The following MDN1 variants were observed in gnomAD, a reference collection of about 807,000 sequenced individuals.
MDN1 encodes midasin AAA ATPase 1.
A neutral mutation model predicts 669.2 loss-of-function variants in MDN1; 266 were observed. The ratio of observed to expected loss-of-function variants is 0.40; its 90% confidence interval spans 0.36 to 0.44. The LOEUF is 0.44. Ranked by LOEUF, MDN1 falls within the 20% of genes least tolerant of loss-of-function variation. The pLI is 1.00. For synonymous variants in MDN1, 2,385 were observed against 2,457.1 expected, an observed-to-expected ratio of 0.97 and a Z score of 0.87; for missense variants, 5,940 against 6,754.0, an observed-to-expected ratio of 0.88 and a Z score of 4.22.
In MDN1 at chr6:89,700,759, T is replaced by C; in HGVS notation, c.8525A>G (p.Gln2842Arg). The change falls in exon 56 of 102, where the codon CAG becomes CGG. Residue 2842 changes from glutamine (Q) to arginine (R), a missense_variant. Transcript: ENST00000369393. The stretch of plus-strand genomic sequence containing the variant: ...CACTTGGAGACGGTTAATGTCTTCC[T>C]GCCATCCACTCTCCCCAAGGGCAGA... ...QMSALGESGW[Q>R]EDINRLQVVA... 1 of 1,614,180 alleles carries C rather than the reference T, an allele frequency of 6.2e-7. No homozygotes were observed.
Position 89,790,345 on chromosome 6 carries a change from C to A in MDN1, c.912G>T (p.Leu304=), listed in dbSNP as rs779604692. 2 of 1,614,102 alleles carry A rather than the reference C, an allele frequency of 1.2e-6. No individual in the cohort carries two copies. Among genetic ancestry groups the A allele is most frequent in the Admixed American group, 1.7e-5 (1 of 60,002 alleles). The part of the protein sequence containing the change: ...EQELALRSYV[L]VESVCKSLQT... ...GAAGACTTTTGCAGACAGACTCAAC[C>A]AGCACATAAGACCTAAGGGCCAGCT... The change falls in exon 6 of 102, where the codon CTG becomes CTT. Residue 304 remains leucine, a synonymous_variant. Transcript: ENST00000369393.
intron 11 of MDN1, among the ~76,000 whole-genome samples, chr6:89,777,772 T>C (rs1354846265): frequency 3.3e-5 from 5 of 151,946 alleles, no homozygotes; most frequent in Non-Finnish European, 5.9e-5. Context: ...CACCCAGAAG[T>C]AGACTCAGTA....
chr6:89,689,848 T>A, intron 65 of MDN1, 22 bp downstream of exon 65: 1 of 1,606,306 alleles, frequency 6.2e-7, no homozygotes, highest in Admixed American at 1.7e-5. Flanking sequence ...CCCAGGGGCA[T>A]AACAAAAGTA....
In MDN1 at chr6:89,781,388, T is replaced by C. The variant is rs755104727; in HGVS notation, c.1643+11A>G. The stretch of plus-strand genomic sequence containing the variant: ...GAAAGAAAGAAAAGAAAAAACTGTT[T>C]AGTCCAGTACCTTAGAGATAATTCT... On this transcript the variant is annotated intron_variant, in intron 10 of 101. Transcript: ENST00000369393. 2.5e-6 allele frequency: 4 copies of C among 1,610,992 alleles called. No homozygotes were observed.
Position 89,712,761 on chromosome 6 carries a change from T to C in MDN1, c.7244A>G (p.His2415Arg). The stretch of plus-strand genomic sequence containing the variant: ...TTCATGTGCTCGCAAAGAAGAAACA[T>C]GTTTCTCCAGTAAAGCCTGTACAAG... The part of the protein sequence containing the change: ...RKLVQALLEK[H>R]VSSLRAHETW... Residue 2415 changes from histidine (H) to arginine (R), a missense_variant, in exon 48 of 102, where the codon CAT becomes CGT. Coordinates refer to ENST00000369393, the MANE Select transcript of MDN1 (RefSeq NM_014611.3). The C allele has an allele frequency of 6.2e-7, 1 of 1,614,130 alleles. No homozygotes were observed. Among genetic ancestry groups the C allele is most frequent in the Non-Finnish European group, 8.5e-7 (1 of 1,180,018 alleles).
chr6:89,773,955 ACT>A (rs1475085269), intron 13 of MDN1, among the ~76,000 whole-genome samples: 32 of 151,586 alleles, frequency 2.1e-4, no homozygotes, highest in Admixed American at 2.6e-4. Flanking sequence ...ACGGAGTGAG[ACT>A]CTGTCTTAAA....
At position 89,687,043 on chromosome 6, in the gene MDN1, A is replaced by G. The variant is rs781015702; in HGVS notation, c.11451-20T>C. 1 of 1,609,216 alleles carries G rather than the reference A, an allele frequency of 6.2e-7. No individual in the cohort carries two copies. The highest frequency in any genetic ancestry group is 2.2e-5 in the East Asian group (1 of 44,856). The stretch of plus-strand genomic sequence containing the variant: ...CAGCAGCTGAAACGAGAAGAAGCCA[A>G]GGAGGCATTTAGGAAAACCTATTTG... On this transcript the variant is annotated intron_variant, in intron 68 of 101. Transcript: ENST00000369393.
intron 20 of MDN1, 129 bp from the exon 21 acceptor site, chr6:89,754,359 G>C: frequency 1.2e-6 from 1 of 868,312 alleles, no homozygotes; most frequent in Non-Finnish European, 1.7e-6. Context: ...CCTGGGGCAT[G>C]CATCAAAATA....
chr6:89,677,120 C>G (rs1226244068), intron 76 of MDN1, among the ~76,000 whole-genome samples: 1 of 150,438 alleles, frequency 6.6e-6, no homozygotes, highest in Non-Finnish European at 1.5e-5. Context: ...TTGACAGAGT[C>G]TTACTTTGCC....
intron 1 of MDN1, among the ~76,000 whole-genome samples, chr6:89,806,267 T>C (rs931637948): frequency 1.3e-5 from 2 of 152,032 alleles, no homozygotes; most frequent in African/African-American, 4.8e-5. Context: ...GTAAGTTACA[T>C]TGCAGAGGAA....
chr6:89,778,951 C>T (rs1818500823), intron 11 of MDN1, among the ~76,000 whole-genome samples: 1 of 146,054 alleles, frequency 6.8e-6, no homozygotes, highest in Admixed American at 6.9e-5. Flanking sequence ...GGTATAGGGC[C>T]TGTGTCAGTA....
intron 14 of MDN1, among the ~76,000 whole-genome samples, chr6:89,772,088 A>G (rs980688368): frequency 1.3e-5 from 2 of 152,026 alleles, no homozygotes; most frequent in Non-Finnish European, 2.9e-5. Context: ...ACATAGCTAG[A>G]CCTCGTCTTT....
At chr6:89,817,089 G>GC (rs1768890575) in intron 1 of MDN1, among the ~76,000 whole-genome samples, 1 of 152,166 alleles carries the variant, frequency 6.6e-6, no homozygotes, top group African/African-American at 2.4e-5. Flanking sequence ...TTGGAAGACC[G>GC]CCCCCCTCAC....
Position 89,654,267 on chromosome 6 carries a change from T to G in MDN1, c.15558A>C (p.Ile5186=), listed in dbSNP as rs1260019538. Residue 5186 remains isoleucine (I), a synonymous_variant, in exon 93 of 102, where the codon ATA becomes ATC. Transcript: ENST00000369393. ...CCTCTGTGTCCATAAGGGTGTCCTC[T>G]ATCTCCTCCTCTTCCTGATCTTTGC... is the stretch of plus-strand genomic sequence containing the variant. ...DSGKDQEEEE[I]EDTLMDTEEQ... is the part of the protein sequence containing the mutation. 6.2e-7 allele frequency: 1 copy of G among 1,614,270 alleles called. No individual in the cohort carries two copies. The highest frequency in any genetic ancestry group is 2.2e-5 in the East Asian group (1 of 44,890).
chr6:89,702,082 A>C (rs750603020), intron 53 of MDN1, 21 bp from the exon 54 acceptor site: 4 of 1,568,462 alleles, frequency 2.6e-6, no homozygotes, highest in Non-Finnish European at 3.4e-6. Flanking sequence ...AGTCTCTTAG[A>C]TAAGATGGCA....
Position 89,662,738 on chromosome 6 carries a change from T to C in MDN1, c.14412+54A>G. The C allele has an allele frequency of 1.9e-6, 3 of 1,577,346 alleles. No individual in the cohort carries two copies. In the South Asian group the frequency reaches 3.4e-5, roughly 18 times the overall value. ...GTAAATGACAGAGAATGGTAGGTTGTGGGCAGATTACCTCCTCTCAGCTTG... is the reference window on the plus strand; with the variant it reads ...GTAAATGACAGAGAATGGTAGGTTGCGGGCAGATTACCTCCTCTCAGCTTG... On this transcript the variant is annotated intron_variant, in intron 86 of 101. Coordinates refer to ENST00000369393, the MANE Select transcript of MDN1 (RefSeq NM_014611.3).
chr6:89,714,872 A>C, intron 45 of MDN1, 121 bp from the exon 46 acceptor site: 1 of 786,652 alleles, frequency 1.3e-6, no homozygotes, highest in Non-Finnish European at 2.0e-6. Flanking sequence ...AATTCACACC[A>C]AGGATCTTTT....
chr6:89,709,905 G>A (rs1407918471), intron 50 of MDN1, among the ~76,000 whole-genome samples: 1 of 152,082 alleles, frequency 6.6e-6, no homozygotes, highest in Non-Finnish European at 1.5e-5. Flanking sequence ...TCGTCATCAA[G>A]GTTTTCTCAG....
chr6:89,709,917 G>A (rs748500225), intron 50 of MDN1, among the ~76,000 whole-genome samples: 1 of 152,156 alleles, frequency 6.6e-6, no homozygotes, highest in Admixed American at 6.5e-5. Context: ...TTTTCTCAGA[G>A]ACAGGGTCTG....
Sources: gnomAD v4.1 joint callset for allele counts (sites outside exome capture counted in the v4.1 genomes callset) on GRCh38, gnomAD v4.1.1 for gene constraint, MANE v1.5 for transcripts, NCBI Gene and HGNC (gene_info 2026-07-23, HGNC 2026-07-21) for gene names.